Variants in LUC7L observed in about 807,000 individuals in gnomAD.
LUC7L encodes the protein LUC7 like.
Under a neutral mutation model 51.1 loss-of-function variants are expected in LUC7L, and 29 were observed. That is an observed-to-expected ratio of 0.57 (90% confidence interval 0.42 to 0.77). LUC7L has a LOEUF of 0.77. Among genes scored for constraint, LUC7L ranks in the 30% least tolerant of loss-of-function variants. The probability of loss-of-function intolerance (pLI) is 0.00; values close to 1 mark genes in which losing one functional copy is unlikely to be tolerated. For synonymous variants in LUC7L, 181 were observed against 180.7 expected (o/e 1.00, Z -0.01); for missense variants, 403 against 511.9 (o/e 0.79, Z 2.05).
chr16:221,796 C>T (rs753396352), intron 2 of LUC7L, among the ~76,000 whole-genome samples: 1 of 152,098 alleles, frequency 6.6e-6, no homozygotes, highest in Middle Eastern at 3.2e-3. Flanking sequence ...ACTTGAGATG[C>T]TCGATGCTTA....
intron 4 of LUC7L, among the ~76,000 whole-genome samples, chr16:206,547 T>C (rs1338596455): frequency 2.6e-5 from 4 of 152,126 alleles, no homozygotes; most frequent in Non-Finnish European, 4.4e-5. Context: ...AAATTAGCAA[T>C]TGCATAAATC....
chr16:229,312 G>A lies in LUC7L; in HGVS notation c.28C>T (p.Leu10=). 1 of 1,532,738 alleles carries A rather than the reference G, an allele frequency of 6.5e-7. No individual in the cohort carries two copies. Among genetic ancestry groups the A allele is most frequent in the Non-Finnish European group, 8.7e-7 (1 of 1,146,816 alleles). The allele number at this position is 1,532,738 out of a possible 1,614,324, so 94.9% of individuals were successfully genotyped here. Residue 10 remains leucine, a synonymous_variant, in exon 1 of 10, where the codon CTG becomes TTG. Coordinates refer to ENST00000293872, the MANE Select transcript of LUC7L (RefSeq NM_201412.3). MSAQAQMRA[L]LDQLMGTARD... ...GCCGTGCCCATGAGCTGGTCCAGCA[G>A]GGCCCGCATCTGCGCCTGGGCGGAC...
chr16:227,947 G>A (rs1258205209), intron 1 of LUC7L: 1 of 1,011,636 alleles, frequency 9.9e-7, no homozygotes, highest in Non-Finnish European at 1.2e-6. Flanking sequence ...AAGGAACTAG[G>A]TTAGTCAATA....
intron 5 of LUC7L, among the ~76,000 whole-genome samples, chr16:201,973 A>C (rs1282658818): frequency 6.6e-6 from 1 of 150,724 alleles, no homozygotes; most frequent in Non-Finnish European, 1.5e-5. Flanking sequence ...CGAACTCCTG[A>C]CCTCAGGTGA....
chr16:195,490 C>T (rs1174328807), intron 6 of LUC7L, among the ~76,000 whole-genome samples: 1 of 152,036 alleles, frequency 6.6e-6, no homozygotes, highest in African/African-American at 2.4e-5. Flanking sequence ...GTGTCGTGAT[C>T]ACAGTTCACT....
At chr16:228,901 G>A in intron 1 of LUC7L, 1 of 1,341,848 alleles carries the variant, frequency 7.5e-7, no homozygotes, top group Non-Finnish European at 9.8e-7. Flanking sequence ...AAGGAGCCTC[G>A]GAAGAGTTCT....
chr16:193,251 A>G (rs552885897), intron 6 of LUC7L, among the ~76,000 whole-genome samples: 1 of 151,004 alleles, frequency 6.6e-6, no homozygotes, highest in Non-Finnish European at 1.5e-5. Flanking sequence ...AGTTCAACCT[A>G]TTCTTCTGCC....
chr16:227,731 C>T lies in LUC7L; in HGVS notation c.62-395G>A, dbSNP rs183229266. The stretch of plus-strand genomic sequence containing the variant: ...TGGTAATTTCCACCAACAAAAGCTA[C>T]TTATTAATCTAATCTTTTTGTTATG... On this transcript the variant is annotated intron_variant, in intron 1 of 9. Coordinates refer to ENST00000293872, the MANE Select transcript of LUC7L (RefSeq NM_201412.3). The T allele has an allele frequency of 1.4e-3, 1,410 of 1,015,326 alleles. 2 individuals carry two copies. Among genetic ancestry groups the T allele is most frequent in the Admixed American group, 2.4e-3 (47 of 19,298 alleles). The allele number at this position is 1,015,326 out of a possible 1,614,324, so 62.9% of individuals were successfully genotyped here. A position where few individuals can be genotyped will look rare whatever the true frequency, so the allele number is the denominator to read the frequency against.
Position 215,976 on chromosome 16 carries a change from G to A in LUC7L, c.255+4673C>T, listed in dbSNP as rs139724090. 6.6e-3 allele frequency among the ~76,000 whole-genome samples: 1,008 copies of A among 151,848 alleles called. 18 individuals carry two copies. The highest frequency in any genetic ancestry group is 0.023 in the African/African-American group (937 of 41,458). Reference sequence around the variant, plus strand: ...TCCAAAAGTGACAGGATTACAAGCAGAAGCCCCCTTGCCTGCCCAGCCCGG... The same window carrying A: ...TCCAAAAGTGACAGGATTACAAGCAAAAGCCCCCTTGCCTGCCCAGCCCGG... On this transcript the variant is annotated intron_variant, in intron 3 of 9. Coordinates refer to ENST00000293872, the MANE Select transcript of LUC7L (RefSeq NM_201412.3).
At chr16:223,733 G>A (rs1308278227) in intron 2 of LUC7L, among the ~76,000 whole-genome samples, 2 of 151,464 alleles carry the variant, frequency 1.3e-5, no homozygotes, top group Admixed American at 6.6e-5. Flanking sequence ...GCAGTGGCAC[G>A]ATCTCAGCTC....
chr16:192,305 C>CG lies in LUC7L; in HGVS notation c.776+621_776+622insC, dbSNP rs1172752771. On this transcript the variant is annotated intron_variant, in intron 7 of 9. Coordinates refer to ENST00000293872, the MANE Select transcript of LUC7L (RefSeq NM_201412.3). ...TCCTGCTGCTTCTACTCCAGCCCAG[C>CG]ACGCTTGCCAAAGGGGAGCAGGCAC... 2.6e-5 allele frequency among the ~76,000 whole-genome samples: 4 copies of CG among 152,122 alleles called. No individual in the cohort carries two copies. In the East Asian group the frequency reaches 7.7e-4, roughly 29 times the overall value.
At chr16:206,275 A>C in intron 4 of LUC7L, 128 bp from the exon 5 acceptor site, 1 of 898,286 alleles carries the variant, frequency 1.1e-6, no homozygotes, top group Non-Finnish European at 1.7e-6. Context: ...ACACTTAACA[A>C]TGAAGGCATC....
intron 9 of LUC7L, 145 bp from the exon 10 acceptor site, chr16:189,484 T>G: frequency 3.5e-6 from 5 of 1,426,572 alleles, no homozygotes; most frequent in Non-Finnish European, 4.6e-6. Flanking sequence ...CAACCAGACT[T>G]GCCCACCACA....
intron 3 of LUC7L, among the ~76,000 whole-genome samples, chr16:210,243 C>T (rs759141109): frequency 3.3e-5 from 5 of 152,084 alleles, no homozygotes; most frequent in Non-Finnish European, 5.9e-5. Flanking sequence ...ACTGAGATCG[C>T]GCCATTGCAC....
intron 7 of LUC7L, among the ~76,000 whole-genome samples, chr16:192,504 T>A (rs950330732): frequency 6.9e-6 from 1 of 144,814 alleles, no homozygotes; most frequent in Non-Finnish European, 1.5e-5. Flanking sequence ...GCTGTTTACT[T>A]TTTTTTTTTT....
intron 3 of LUC7L, among the ~76,000 whole-genome samples, chr16:217,455 T>A (rs1194552972): frequency 6.6e-6 from 1 of 151,140 alleles, no homozygotes; most frequent in African/African-American, 2.4e-5. Flanking sequence ...GCCTGTAATC[T>A]CAACACTCTG....
intron 3 of LUC7L, among the ~76,000 whole-genome samples, chr16:212,608 G>C (rs188428637): frequency 6.6e-6 from 1 of 152,140 alleles, no homozygotes; most frequent in African/African-American, 2.4e-5. Context: ...ATCAGAACTG[G>C]TCTCATGTGG....
At chr16:190,218 C>G (rs549009309) in intron 8 of LUC7L, 83 bp from the exon 9 acceptor site, 1 of 1,203,470 alleles carries the variant, frequency 8.3e-7, no homozygotes, top group East Asian at 2.4e-5. Flanking sequence ...ATTCTGCTTG[C>G]TGCTTTACTG....
At chr16:193,529 G>A (rs1441535364) in intron 6 of LUC7L, among the ~76,000 whole-genome samples, 1 of 151,832 alleles carries the variant, frequency 6.6e-6, no homozygotes, top group Admixed American at 6.6e-5. Context: ...TCCTGAGACA[G>A]AGTCCGCCCT....
Sources: gnomAD v4.1 joint callset for allele counts (sites outside exome capture counted in the v4.1 genomes callset) on GRCh38, gnomAD v4.1.1 for gene constraint, MANE v1.5 for transcripts, NCBI Gene and HGNC (gene_info 2026-07-23, HGNC 2026-07-21) for gene names.